The following TAS2R1 variants were observed in gnomAD, a reference collection of about 807,000 sequenced individuals.
The protein encoded by TAS2R1 is taste receptor type 2 member 1.
For synonymous variants in TAS2R1, 141 were observed against 134.2 expected, an observed-to-expected ratio of 1.05 and a Z score of -0.35; for missense variants, 370 against 353.4, an observed-to-expected ratio of 1.05 and a Z score of -0.38.
intron 2 of TAS2R1, among the ~76,000 whole-genome samples, chr5:9,657,883 T>G (rs1322563906): frequency 3.3e-5 from 5 of 152,130 alleles, no homozygotes; most frequent in Non-Finnish European, 7.3e-5. Context: ...AATGGTAAAT[T>G]TTATGTTATG....
At chr5:9,637,640 T>C (rs1204154346) in intron 2 of TAS2R1, among the ~76,000 whole-genome samples, 3 of 152,116 alleles carry the variant, frequency 2.0e-5, no homozygotes, top group Non-Finnish European at 2.9e-5. Context: ...TCTTTTTTCT[T>C]TGCCTTTTTC....
the TAS2R1 span, among the ~76,000 whole-genome samples, chr5:9,788,241 G>A: frequency 2.0e-5 from 3 of 152,184 alleles, no homozygotes; most frequent in African/African-American, 7.2e-5. Context: ...TTCTCTGCCT[G>A]CCTAATCTAA....
the TAS2R1 span, among the ~76,000 whole-genome samples, chr5:9,745,142 G>C: frequency 6.6e-6 from 1 of 152,146 alleles, no homozygotes; most frequent in East Asian, 1.9e-4. Flanking sequence ...GGATGCAGTG[G>C]CCTGGCCTCA....
In TAS2R1 at chr5:9,628,391, G is replaced by A. The variant is rs1739797831; in HGVS notation, c.*742C>T. 6.6e-6 allele frequency among the ~76,000 whole-genome samples: 1 copy of A among 152,152 alleles called. No homozygotes were observed. The highest frequency in any genetic ancestry group is 1.5e-5 in the Non-Finnish European group (1 of 68,038). ...CTTTGCAAGTTATTGTCTGTTCAGA[G>A]TGCACAGCTAGGAGAAATGGAAAAC... On this transcript the variant is annotated 3_prime_UTR_variant, in exon 1 of 1. Coordinates refer to ENST00000382492, the MANE Select transcript of TAS2R1 (RefSeq NM_019599.3).
At chr5:9,858,563 T>A in the TAS2R1 span, among the ~76,000 whole-genome samples, 2 of 152,220 alleles carry the variant, frequency 1.3e-5, no homozygotes, top group African/African-American at 2.4e-5. Flanking sequence ...ATTCCCTCAA[T>A]GTTAAGTTCA....
chr5:9,804,336 C>A, the TAS2R1 span, among the ~76,000 whole-genome samples: 1 of 152,052 alleles, frequency 6.6e-6, no homozygotes, highest in African/African-American at 2.4e-5. Flanking sequence ...GATGGGTCAT[C>A]AAGACAGAAA....
the TAS2R1 span, among the ~76,000 whole-genome samples, chr5:9,897,412 G>A: frequency 2.0e-5 from 3 of 152,214 alleles, no homozygotes. Flanking sequence ...TCACGCCGCT[G>A]CACTCCAGTC....
At chr5:9,717,983 T>A in the TAS2R1 span, among the ~76,000 whole-genome samples, 1 of 152,328 alleles carries the variant, frequency 6.6e-6, no homozygotes, top group East Asian at 1.9e-4. Flanking sequence ...TTATTTTAGA[T>A]GGAGTCTCAC....
At chr5:9,825,118 T>G in the TAS2R1 span, among the ~76,000 whole-genome samples, 1 of 152,242 alleles carries the variant, frequency 6.6e-6, no homozygotes, top group Non-Finnish European at 1.5e-5. Flanking sequence ...AATTATTTCC[T>G]GATATAAAAT....
chr5:9,835,206 C>T, the TAS2R1 span, among the ~76,000 whole-genome samples: 1 of 152,298 alleles, frequency 6.6e-6, no homozygotes. Flanking sequence ...TGGATGTGTG[C>T]ACATGAAAAT....
intron 1 of TAS2R1, among the ~76,000 whole-genome samples, chr5:9,692,932 G>A (rs192830762): frequency 6.6e-5 from 10 of 152,080 alleles, no homozygotes; most frequent in Non-Finnish European, 8.8e-5. Context: ...TGCTGAAGGC[G>A]GCTCATTTGG....
At chr5:9,790,116 C>T in the TAS2R1 span, among the ~76,000 whole-genome samples, 1 of 152,128 alleles carries the variant, frequency 6.6e-6, no homozygotes, top group African/African-American at 2.4e-5. Flanking sequence ...AAGGACAGGC[C>T]CTGGAGGGAG....
intron 1 of TAS2R1, among the ~76,000 whole-genome samples, chr5:9,661,245 C>T (rs1740527185): frequency 6.6e-6 from 1 of 152,200 alleles, no homozygotes; most frequent in Non-Finnish European, 1.5e-5. Flanking sequence ...TTAGCATGAA[C>T]TCCAGTTTCT....
At chr5:9,664,401 A>G (rs1231095801) in intron 1 of TAS2R1, among the ~76,000 whole-genome samples, 1 of 152,228 alleles carries the variant, frequency 6.6e-6, no homozygotes, top group Non-Finnish European at 1.5e-5. Context: ...AATGCAGAGT[A>G]CAAGGGACAG....
chr5:9,802,438 G>A, the TAS2R1 span, among the ~76,000 whole-genome samples: 2 of 152,158 alleles, frequency 1.3e-5, no homozygotes, highest in African/African-American at 4.8e-5. Flanking sequence ...CAGCCCTTGA[G>A]TCCCAGATCT....
At chr5:9,637,191 A>T (rs1739980378) in intron 2 of TAS2R1, among the ~76,000 whole-genome samples, 1 of 152,104 alleles carries the variant, frequency 6.6e-6, no homozygotes, top group Non-Finnish European at 1.5e-5. Context: ...TATGAAGCTT[A>T]GTTTTGCTGG....
At chr5:9,657,414 A>G (rs567864288) in intron 2 of TAS2R1, among the ~76,000 whole-genome samples, 1 of 152,318 alleles carries the variant, frequency 6.6e-6, no homozygotes, top group South Asian at 2.1e-4. Context: ...TCTACTAAAA[A>G]TACCGAGCTC....
the TAS2R1 span, among the ~76,000 whole-genome samples, chr5:9,860,235 T>C: frequency 6.6e-6 from 1 of 152,196 alleles, no homozygotes; most frequent in Non-Finnish European, 1.5e-5. Flanking sequence ...GAAGGTCAAG[T>C]AACATTTTTC....
chr5:9,796,721 G>GAAAAAAAAAAAAAAAAAAAAAA, the TAS2R1 span, among the ~76,000 whole-genome samples: 1 of 99,758 alleles, frequency 1.0e-5, no homozygotes, highest in African/African-American at 3.1e-5. Context: ...CTATTTTCTG[G>GAAAAAAAAAAAAAAAAAAAAAA]AAAAAAAAAA....
Sources: allele counts gnomAD v4.1 joint callset (sites outside exome capture counted in the v4.1 genomes callset), GRCh38; gene constraint gnomAD v4.1.1; transcripts MANE v1.5; gene names NCBI Gene and HGNC (gene_info 2026-07-23, HGNC 2026-07-21).